The following SPATA21 variants were observed in gnomAD, a reference collection of about 807,000 sequenced individuals.
The protein encoded by SPATA21 is spermatogenesis-associated protein 21.
A neutral mutation model predicts 54.8 loss-of-function variants in SPATA21; 47 were observed. The observed-to-expected ratio is 0.86, with a 90% CI of 0.68 to 1.09. The LOEUF is 1.09. Ranked by LOEUF, SPATA21 falls within the 50% of genes least tolerant of loss-of-function variation. The pLI, the probability that SPATA21 is intolerant of heterozygous loss-of-function variation, is 0.00. For synonymous variants in SPATA21, 245 were observed against 235.3 expected, an observed-to-expected ratio of 1.04 and a Z score of -0.38; for missense variants, 599 against 596.4, an observed-to-expected ratio of 1.00 and a Z score of -0.05.
chr1:16,399,215 T>C (rs2085367449), intron 12 of SPATA21, 129 bp downstream of exon 12: 5 of 1,095,314 alleles, frequency 4.6e-6, no homozygotes, highest in Non-Finnish European at 6.4e-6. Flanking sequence ...TTACCCTTTC[T>C]CCTCCCTGGA....
rs141634535 is a variant in SPATA21 at position 16,400,866 on chromosome 1, C to A, written c.1028G>T (p.Gly343Val). ...TTCCATCTCCTGGGCCTTGCAGGTGCCTTCCTTCAGCTTTTTCTGGTAGTA... is the reference window on the plus strand; with the variant it reads ...TTCCATCTCCTGGGCCTTGCAGGTGACTTCCTTCAGCTTTTTCTGGTAGTA... Reference protein sequence around the residue: ...TNYYQKKLKEGTCKAQEMEAA... With the variant: ...TNYYQKKLKEVTCKAQEMEAA... Residue 343 changes from glycine to valine, a missense_variant, in exon 11 of 13, where the codon GGC becomes GTC. Gly to Val is a moderately radical substitution (Grantham distance 109, BLOSUM62 -3). Transcript: ENST00000335496. 1.9e-4 allele frequency: 299 copies of A among 1,613,186 alleles called. 1 individual carries two copies. In the African/African-American group the frequency reaches 3.7e-3, roughly 20 times the overall value.
chr1:16,397,069 T>C (rs2085324333), downstream of SPATA21: 1 of 152,422 alleles, frequency 6.6e-6, no homozygotes, highest in Admixed American at 6.5e-5. The surrounding 1 kb of genome is among the most constrained non-coding windows in gnomAD (Gnocchi z 5.4). Context: ...TTCCTTTTAA[T>C]TGGAGAAGGG....
intron 5 of SPATA21, among the ~76,000 whole-genome samples, chr1:16,420,507 T>C (rs2086140083): frequency 6.6e-6 from 1 of 151,748 alleles, no homozygotes; most frequent in African/African-American, 2.4e-5. Flanking sequence ...ACAGAGACTC[T>C]GTCTCAAAAA....
intron 3 of SPATA21, among the ~76,000 whole-genome samples, chr1:16,426,585 T>G (rs1055078547): frequency 1.0e-5 from 1 of 95,618 alleles, no homozygotes; most frequent in Non-Finnish European, 2.3e-5. Context: ...ATATATTTTT[T>G]TTTTTTTTTT....
At position 16,428,458 on chromosome 1, in the gene SPATA21, C is replaced by T. The variant is rs1016789680; in HGVS notation, c.34+2880G>A. Among the ~76,000 whole-genome samples the T allele has an allele frequency of 2.6e-5, 4 of 152,128 alleles. No individual in the cohort carries two copies. The highest frequency in any genetic ancestry group is 5.9e-5 in the Non-Finnish European group (4 of 68,022). ...AGGCTGGAGTGCAGTGGCACAGTCT[C>T]GGCTCACTGCAACTTCCACCTGCTG... On this transcript the variant is annotated intron_variant, in intron 3 of 12. Coordinates refer to ENST00000335496, the MANE Select transcript of SPATA21 (RefSeq NM_198546.1). This position sits in a 1 kb window ranked among gnomAD's most constrained non-coding sequence, Gnocchi z 4.3.
At chr1:16,420,217 G>A (rs1409511806) in intron 5 of SPATA21, among the ~76,000 whole-genome samples, 1 of 152,088 alleles carries the variant, frequency 6.6e-6, no homozygotes, top group Non-Finnish European at 1.5e-5. Context: ...GGCTCTGTAA[G>A]GACAGAGCTC....
At chr1:16,417,481 C>G (rs2086044823) in intron 5 of SPATA21, among the ~76,000 whole-genome samples, 1 of 150,498 alleles carries the variant, frequency 6.6e-6, no homozygotes, top group African/African-American at 2.5e-5. Context: ...TCTTGTTCCC[C>G]AGGCTGGAGT....
At chr1:16,413,083 A>G (rs2085900010) in intron 5 of SPATA21, among the ~76,000 whole-genome samples, 1 of 151,882 alleles carries the variant, frequency 6.6e-6, no homozygotes, top group South Asian at 2.1e-4. Context: ...CGCCCGGCCA[A>G]CGATTTTTTT....
intron 3 of SPATA21, among the ~76,000 whole-genome samples, chr1:16,427,584 C>G (rs186902229): frequency 2.6e-4 from 40 of 152,138 alleles, no homozygotes; most frequent in African/African-American, 9.2e-4. Context: ...TACTATGTGT[C>G]AGGCATAGTA....
At chr1:16,430,552 G>T (rs948154692) in intron 3 of SPATA21, among the ~76,000 whole-genome samples, 1 of 152,214 alleles carries the variant, frequency 6.6e-6, no homozygotes, top group Non-Finnish European at 1.5e-5. Context: ...GCCCTGAGTA[G>T]CTCTCAGGAG....
At chr1:16,407,962 T>TTACTATGTTGCTTAGGCTA (rs1281967470) in intron 7 of SPATA21, among the ~76,000 whole-genome samples, 21 of 152,144 alleles carry the variant, frequency 1.4e-4, no homozygotes, top group African/African-American at 3.9e-4. Flanking sequence ...TGTGGGGGTC[T>TTACTATGTTGCTTAGGCTA]TACTATGTTG....
chr1:16,426,509 T>TG (rs2086322185), intron 3 of SPATA21, among the ~76,000 whole-genome samples: 4 of 147,122 alleles, frequency 2.7e-5, no homozygotes, highest in African/African-American at 7.4e-5. Flanking sequence ...TCCGCCAACC[T>TG]CAACTTCCCA....
chr1:16,410,842 G>A (rs760802414), intron 5 of SPATA21: 30 of 400,890 alleles, frequency 7.5e-5, no homozygotes, highest in Admixed American at 2.2e-4. Context: ...CACCGCGCCC[G>A]GCTGAGCCAT....
intron 7 of SPATA21, among the ~76,000 whole-genome samples, chr1:16,407,444 C>CATT (rs1360469298): frequency 6.6e-6 from 1 of 151,946 alleles, no homozygotes; most frequent in Non-Finnish European, 1.5e-5. Flanking sequence ...AGTTGTATAT[C>CATT]ATTATTATTA....
chr1:16,412,998 G>A (rs982616532), intron 5 of SPATA21, among the ~76,000 whole-genome samples: 1 of 151,558 alleles, frequency 6.6e-6, no homozygotes, highest in Admixed American at 6.6e-5. Flanking sequence ...TGGCCAGGAT[G>A]GCCTGGATCT....
downstream of SPATA21, among the ~76,000 whole-genome samples, chr1:16,398,424 CT>C (rs919251723): frequency 6.6e-6 from 1 of 152,166 alleles, no homozygotes; most frequent in African/African-American, 2.4e-5. Flanking sequence ...AGAATGGCTG[CT>C]TTTGTGGGGC....
intron 3 of SPATA21, among the ~76,000 whole-genome samples, chr1:16,427,478 A>C (rs2100887191): frequency 6.6e-6 from 1 of 152,284 alleles, no homozygotes; most frequent in East Asian, 1.9e-4. Context: ...AAATTTAGAA[A>C]ACAATTACGT....
At position 16,409,259 on chromosome 1, in the gene SPATA21, A is replaced by G; in HGVS notation, c.588-56T>C. ...ACATCCGGCCGCCCACCCTGCTGAT[A>G]GCTAGGGGAGGGGTTGGGGGAGCCT... On this transcript the variant is annotated intron_variant, in intron 6 of 12. Transcript: ENST00000335496. This position sits in a 1 kb window ranked among gnomAD's most constrained non-coding sequence, Gnocchi z 4.1. 6.3e-7 allele frequency: 1 copy of G among 1,594,600 alleles called. No individual in the cohort carries two copies. Among genetic ancestry groups the G allele is most frequent in the Non-Finnish European group, 8.6e-7 (1 of 1,164,766 alleles).
rs113710901 is a variant in SPATA21 at position 16,428,992 on chromosome 1, T to G, written c.34+2346A>C. On this transcript the variant is annotated intron_variant, in intron 3 of 12. Transcript: ENST00000335496. This position sits in a 1 kb window ranked among gnomAD's most constrained non-coding sequence, Gnocchi z 4.3. The stretch of plus-strand genomic sequence containing the variant: ...ACTGGGACCCCATGACGGTGCTTGT[T>G]GAAAAAATAAATGGGTGGATGAAGG... Among the ~76,000 whole-genome samples the G allele has an allele frequency of 1.9e-3, 285 of 152,116 alleles. 2 individuals carry two copies. Among genetic ancestry groups the G allele is most frequent in the African/African-American group, 6.3e-3 (262 of 41,514 alleles).
Sources: gnomAD v4.1 joint callset for allele counts (sites outside exome capture counted in the v4.1 genomes callset) on GRCh38, gnomAD v4.1.1 for gene constraint, Gnocchi (gnomAD v3.1) non-coding constraint, MANE v1.5 for transcripts, NCBI Gene and HGNC (gene_info 2026-07-23, HGNC 2026-07-21) for gene names.